CLASP2: variants seen among roughly 807,000 people sequenced by gnomAD.
CLASP2 encodes cytoplasmic linker associated protein 2, also known as CLIP-associating protein 2.
A neutral mutation model predicts 194.4 loss-of-function variants in CLASP2; 47 were observed. The ratio of observed to expected loss-of-function variants is 0.24; its 90% CI spans 0.19 to 0.31. The LOEUF (loss-of-function observed/expected upper bound fraction) is 0.31, where lower values mean the gene tolerates loss of function less well. CLASP2 is among the 10% of genes least tolerant of loss of function. The pLI is 1.00. For missense variants in CLASP2, 1,445 were observed against 1,823.6 expected, an observed-to-expected ratio of 0.79 and a Z score of 3.78; for synonymous variants, 619 against 633.5, an observed-to-expected ratio of 0.98 and a Z score of 0.34.
At chr3:33,600,055 A>G (rs1350113784) in intron 18 of CLASP2, among the ~76,000 whole-genome samples, 1 of 152,066 alleles carries the variant, frequency 6.6e-6, no homozygotes, top group Non-Finnish European at 1.5e-5. Flanking sequence ...TAGATATTCA[A>G]TGTAATGTGT....
chr3:33,674,499 G>T (rs2088099332), intron 6 of CLASP2, among the ~76,000 whole-genome samples: 1 of 151,274 alleles, frequency 6.6e-6, no homozygotes, highest in Non-Finnish European at 1.5e-5. Flanking sequence ...ATCCAAAATT[G>T]ACACCCTAAC....
intron 1 of CLASP2, among the ~76,000 whole-genome samples, chr3:33,709,580 A>G (rs1201859170): frequency 6.6e-6 from 1 of 152,112 alleles, no homozygotes; most frequent in African/African-American, 2.4e-5. Flanking sequence ...GCTGGCTTTG[A>G]AGATGGAGAA....
At chr3:33,657,119 T>C (rs1312894381) in intron 7 of CLASP2, among the ~76,000 whole-genome samples, 2 of 152,082 alleles carry the variant, frequency 1.3e-5, no homozygotes, top group East Asian at 3.9e-4. Context: ...ACAAAGTTTG[T>C]AAGTTCGTAA....
chr3:33,595,216 T>C (rs2069933270), intron 19 of CLASP2, among the ~76,000 whole-genome samples: 1 of 152,086 alleles, frequency 6.6e-6, no homozygotes, highest in Admixed American at 6.5e-5. Context: ...GAAACACTTT[T>C]TGTCTGCTAT....
intron 34 of CLASP2, among the ~76,000 whole-genome samples, chr3:33,530,009 A>G (rs902213136): frequency 6.0e-5 from 9 of 150,406 alleles, no homozygotes; most frequent in African/African-American, 2.0e-4. Flanking sequence ...AAAAAAAAAA[A>G]AAGATCTTCA....
Position 33,635,471 on chromosome 3 carries a change from A to G in CLASP2, c.863-3100T>C, listed in dbSNP as rs376122653. 5.3e-5 allele frequency among the ~76,000 whole-genome samples: 8 copies of G among 152,328 alleles called. No individual in the cohort carries two copies. The East Asian group carries it at 1.5e-3, about 29-fold the overall frequency. ...ATAGGCCAAACATTCCTGCAGAAGA[A>G]AAGAGGGGCTACTTACGCTATCAGA... On this transcript the variant is annotated intron_variant, in intron 8 of 38. Transcript: ENST00000682230.
In CLASP2 at chr3:33,560,850, C is replaced by G. The variant is rs770848847; in HGVS notation, c.2888G>C (p.Gly963Ala). 1.2e-6 allele frequency: 2 copies of G among 1,613,764 alleles called. No homozygotes were observed. The highest frequency in any genetic ancestry group is 4.5e-5 in the East Asian group (2 of 44,882). The part of the protein sequence containing the change: ...LLKKMGADLL[G>A]SVQAKVQKAL... The stretch of plus-strand genomic sequence containing the variant: ...TTTCTGAACTTTTGCCTGAACAGAT[C>G]CAAGCAAATCAGCACCCATTTTTTT... Residue 963 changes from glycine to alanine, a missense_variant, in exon 28 of 39, where the codon GGA (glycine) becomes GCA (alanine). Gly to Ala is a moderately conservative substitution (Grantham distance 60, BLOSUM62 0). Around this residue, in one of 4 missense-constraint regions of CLASP2, gnomAD observed 732 missense variants for 987.9 expected, o/e 0.74. Coordinates refer to ENST00000682230, the MANE Select transcript of CLASP2 (RefSeq NM_001365631.1).
chr3:33,545,552 C>CT (rs1368264929), intron 30 of CLASP2, among the ~76,000 whole-genome samples: 2 of 152,142 alleles, frequency 1.3e-5, no homozygotes, highest in Non-Finnish European at 2.9e-5. Context: ...ACAACACAAT[C>CT]TTGGAAGATG....
intron 30 of CLASP2, among the ~76,000 whole-genome samples, chr3:33,548,068 G>C (rs2059428728): frequency 6.6e-6 from 1 of 151,664 alleles, no homozygotes. Flanking sequence ...GAGCCACCGT[G>C]CCTGGCTTGT....
At chr3:33,516,524 G>A (rs1471541371) in intron 35 of CLASP2, among the ~76,000 whole-genome samples, 6 of 151,950 alleles carry the variant, frequency 3.9e-5, no homozygotes, top group South Asian at 2.1e-4. Flanking sequence ...AAAATTAGCC[G>A]GGGGTGGTGG....
chr3:33,671,976 A>C (rs2087344398), intron 6 of CLASP2, among the ~76,000 whole-genome samples: 1 of 152,220 alleles, frequency 6.6e-6, no homozygotes, highest in African/African-American at 2.4e-5. Context: ...CAGCTCAAGG[A>C]GGCCTGCCTG....
At chr3:33,639,777 T>C (rs2080952058) in intron 8 of CLASP2, among the ~76,000 whole-genome samples, 1 of 152,160 alleles carries the variant, frequency 6.6e-6, no homozygotes, top group South Asian at 2.1e-4. Context: ...GACTGGTCAA[T>C]CCCTAAATTC....
At chr3:33,571,725 C>T (rs2063818627) in intron 25 of CLASP2, among the ~76,000 whole-genome samples, 1 of 151,894 alleles carries the variant, frequency 6.6e-6, no homozygotes, top group Admixed American at 6.6e-5. Flanking sequence ...GTTGTTTGAG[C>T]CCAGGAATTT....
intron 1 of CLASP2, among the ~76,000 whole-genome samples, chr3:33,700,455 T>C (rs544507567): frequency 4.1e-4 from 63 of 152,152 alleles, no homozygotes; most frequent in African/African-American, 1.5e-3. Context: ...CTTAAAAATA[T>C]ATGTATTTAA....
At chr3:33,664,662 T>C (rs2085869649) in intron 6 of CLASP2, among the ~76,000 whole-genome samples, 1 of 152,154 alleles carries the variant, frequency 6.6e-6, no homozygotes, top group South Asian at 2.1e-4. Flanking sequence ...TATTTACATA[T>C]AGAAAGCATT....
In CLASP2 at chr3:33,562,038, ACT is replaced by A. The variant is rs767975944; in HGVS notation, c.2767-1069_2767-1068del. The stretch of plus-strand genomic sequence containing the variant: ...ATTCCCTTCATACAGTTATAGATGA[ACT>A]CTTTTTTTTCTTTAGAAATGAAGGA... On this transcript the variant is annotated intron_variant, in intron 27 of 38. Coordinates refer to ENST00000682230, the MANE Select transcript of CLASP2 (RefSeq NM_001365631.1). Among the ~76,000 whole-genome samples, 22 of 152,158 alleles carry A rather than the reference ACT, an allele frequency of 1.4e-4. 1 individual carries two copies. The highest frequency in any genetic ancestry group is 5.9e-4 in the Admixed American group (9 of 15,276).
intron 7 of CLASP2, among the ~76,000 whole-genome samples, chr3:33,662,406 A>G (rs919918728): frequency 5.9e-5 from 9 of 152,228 alleles, no homozygotes; most frequent in Non-Finnish European, 1.2e-4. Context: ...TAGAAAAATA[A>G]GGAGAAGATA....
chr3:33,590,081 AAAATTTTTTT>A (rs1259935085), intron 21 of CLASP2, among the ~76,000 whole-genome samples: 2 of 152,200 alleles, frequency 1.3e-5, no homozygotes, highest in Non-Finnish European at 2.9e-5. Context: ...TGCAGTATTT[AAAATTTTTTT>A]AAATTTTAAA....
chr3:33,612,422 T>TA (rs950640505), intron 12 of CLASP2, among the ~76,000 whole-genome samples: 1 of 152,164 alleles, frequency 6.6e-6, no homozygotes, highest in Non-Finnish European at 1.5e-5. Context: ...CTACTGCTGG[T>TA]AAAAAATCAT....
Sources: gnomAD v4.1 joint callset for allele counts (sites outside exome capture counted in the v4.1 genomes callset) on GRCh38, gnomAD v4.1.1 for gene constraint, gnomAD v4.1.1 regional missense constraint, MANE v1.5 for transcripts, NCBI Gene and HGNC (gene_info 2026-07-23, HGNC 2026-07-21) for gene names.